The following SPATA6 variants were observed in gnomAD, a reference collection of about 807,000 sequenced individuals.
SPATA6 encodes spermatogenesis associated 6, also known as spermatogenesis-associated protein 6.
SPATA6 carries 56 observed loss-of-function variants against 65.3 expected under a neutral mutation model. That is an observed-to-expected ratio of 0.86 (90% CI 0.69 to 1.07). SPATA6 has a LOEUF of 1.07. Among genes scored for constraint, SPATA6 ranks in the 50% least tolerant of loss-of-function variants. The pLI, the probability that SPATA6 is intolerant of heterozygous loss-of-function variation, is 0.00. For missense variants in SPATA6, 590 were observed against 594.8 expected, an observed-to-expected ratio of 0.99 and a Z score of 0.08; for synonymous variants, 199 against 213.2, an observed-to-expected ratio of 0.93 and a Z score of 0.58.
At chr1:48,334,693 A>G (rs1646010890) in intron 11 of SPATA6, among the ~76,000 whole-genome samples, 1 of 152,194 alleles carries the variant, frequency 6.6e-6, no homozygotes, top group Admixed American at 6.5e-5. Context: ...AACAGGCAAA[A>G]GCTGCAAGCA....
intron 1 of SPATA6, among the ~76,000 whole-genome samples, chr1:48,460,672 T>C (rs1469744765): frequency 6.6e-6 from 1 of 152,162 alleles, no homozygotes; most frequent in African/African-American, 2.4e-5. Flanking sequence ...TTGTGACCTA[T>C]TGCAAAATGT....
the SPATA6 span, among the ~76,000 whole-genome samples, chr1:48,285,605 C>T: frequency 5.3e-5 from 8 of 151,970 alleles, no homozygotes; most frequent in South Asian, 4.2e-4. Context: ...ATGTGAGTTG[C>T]GAAGATCATA....
chr1:48,460,401 G>A (rs903835491), intron 1 of SPATA6, among the ~76,000 whole-genome samples: 1 of 152,092 alleles, frequency 6.6e-6, no homozygotes, highest in Admixed American at 6.5e-5. Context: ...AACTCAGAAG[G>A]AAATTTCCTC....
At chr1:48,460,602 A>C (rs903909240) in intron 1 of SPATA6, among the ~76,000 whole-genome samples, 8 of 142,048 alleles carry the variant, frequency 5.6e-5, no homozygotes, top group African/African-American at 2.5e-4. Context: ...AAATGAAAGA[A>C]ATAAAAGGCA....
At chr1:48,427,893 T>C (rs1367235429) in intron 3 of SPATA6, among the ~76,000 whole-genome samples, 1 of 152,158 alleles carries the variant, frequency 6.6e-6, no homozygotes, top group Non-Finnish European at 1.5e-5. Context: ...CCCTTCACCT[T>C]TTTGAAATCT....
chr1:48,452,128 C>T (rs912811977), intron 2 of SPATA6, among the ~76,000 whole-genome samples: 3 of 152,092 alleles, frequency 2.0e-5, no homozygotes, highest in African/African-American at 7.2e-5. Flanking sequence ...ACAATGAAAG[C>T]TCCCAGAGGG....
At chr1:48,262,851 CTAAT>C in the SPATA6 span, 1 of 152,028 alleles carries the variant, frequency 6.6e-6, no homozygotes, top group Non-Finnish European at 1.5e-5. Context: ...TTTGAAAAGT[CTAAT>C]TAAAGTTGAA....
At chr1:48,280,478 C>T in the SPATA6 span, among the ~76,000 whole-genome samples, 3 of 151,858 alleles carry the variant, frequency 2.0e-5, no homozygotes, top group South Asian at 2.1e-4. Flanking sequence ...CAAATAGATG[C>T]AATAAAAAAT....
chr1:48,324,982 G>T, intron 11 of SPATA6: 1 of 195,302 alleles, frequency 5.1e-6, no homozygotes, highest in Non-Finnish European at 1.1e-5. Flanking sequence ...AACTGATACT[G>T]CACACATGGA....
chr1:48,401,058 TAATA>T (rs983468415), intron 6 of SPATA6: 2 of 196,784 alleles, frequency 1.0e-5, no homozygotes, highest in Non-Finnish European at 2.1e-5. Context: ...ATCTTGGATT[TAATA>T]AATATGCAGA....
At chr1:48,359,864 T>G in intron 9 of SPATA6, 94 bp from the exon 10 acceptor site, 1 of 969,206 alleles carries the variant, frequency 1.0e-6, no homozygotes, top group Non-Finnish European at 1.4e-6. Flanking sequence ...AGTAGTCATA[T>G]GCATGTGCAC....
intron 1 of SPATA6, among the ~76,000 whole-genome samples, chr1:48,471,268 G>C (rs772804765): frequency 4.3e-4 from 66 of 152,150 alleles, no homozygotes; most frequent in Admixed American, 9.2e-4. Context: ...CAAGGTTGGA[G>C]AAGGAGGTGT....
chr1:48,462,234 A>G (rs1657497312), intron 1 of SPATA6, among the ~76,000 whole-genome samples: 1 of 152,122 alleles, frequency 6.6e-6, no homozygotes, highest in Non-Finnish European at 1.5e-5. Context: ...TAGGAGACAT[A>G]CCTAATGCTA....
intron 9 of SPATA6, among the ~76,000 whole-genome samples, chr1:48,375,287 T>A (rs1647754115): frequency 6.6e-6 from 1 of 151,840 alleles, no homozygotes; most frequent in Non-Finnish European, 1.5e-5. Context: ...CAGGGAGAAA[T>A]CTGTCTCATT....
chr1:48,402,219 T>C (rs1570458642), intron 6 of SPATA6, among the ~76,000 whole-genome samples: 1 of 152,160 alleles, frequency 6.6e-6, no homozygotes, highest in Non-Finnish European at 1.5e-5. Flanking sequence ...AGTTCATAAG[T>C]ACAATTAAAC....
At chr1:48,405,826 A>G (rs1651647740) in intron 5 of SPATA6, among the ~76,000 whole-genome samples, 1 of 152,112 alleles carries the variant, frequency 6.6e-6, no homozygotes, top group African/African-American at 2.4e-5. Context: ...ACAGGTTTAA[A>G]ACCACCAGTC....
intron 3 of SPATA6, among the ~76,000 whole-genome samples, chr1:48,434,396 A>C (rs2148071179): frequency 6.6e-6 from 1 of 152,316 alleles, no homozygotes; most frequent in South Asian, 2.1e-4. Flanking sequence ...ATTTGCCCTG[A>C]GTGGTACCTT....
At chr1:48,311,791 CAAGGGGTGAGGG>C (rs1645218246) in intron 11 of SPATA6, among the ~76,000 whole-genome samples, 1 of 152,194 alleles carries the variant, frequency 6.6e-6, no homozygotes, top group Admixed American at 6.5e-5. Flanking sequence ...CCGGGAAGTA[CAAGGGGTGAGGG>C]AATTCCCTTT....
At chr1:48,290,790 G>A (rs1050607815), downstream of SPATA6, among the ~76,000 whole-genome samples, 2 of 152,156 alleles carry the variant, frequency 1.3e-5, no homozygotes, top group Admixed American at 6.6e-5. Context: ...TCAACAAGAA[G>A]AGCTAACTAT....
Sources: gnomAD v4.1 joint callset for allele counts (sites outside exome capture counted in the v4.1 genomes callset) on GRCh38, gnomAD v4.1.1 for gene constraint, MANE v1.5 for transcripts, NCBI Gene and HGNC (gene_info 2026-07-23, HGNC 2026-07-21) for gene names.